SEC24A: variants seen among roughly 807,000 people sequenced by gnomAD.
The protein encoded by SEC24A is protein transport protein Sec24A.
SEC24A carries 93 observed loss-of-function variants against 129.4 expected under a neutral mutation model. The observed-to-expected ratio is 0.72, with a 90% confidence interval of 0.61 to 0.85. SEC24A has a LOEUF of 0.85. Among genes scored for constraint, SEC24A ranks in the 40% least tolerant of loss-of-function variants. The pLI is 0.00. For synonymous variants in SEC24A, 460 were observed against 467.3 expected (o/e 0.98, Z 0.20); for missense variants, 1,264 against 1,307.4 (o/e 0.97, Z 0.51).
Position 134,648,954 on chromosome 5 carries a change from C to A in SEC24A, c.-123C>A, listed in dbSNP as rs956285573. ...ATGCCTCGGGCTTAATGCGCCCCCC[C>A]CTCTTCTCCCAGTCTTCAGTCTTAA... On this transcript the variant is annotated 5_prime_UTR_variant, in exon 1 of 23. Coordinates refer to ENST00000398844, the MANE Select transcript of SEC24A (RefSeq NM_021982.3). The A allele has an allele frequency of 4.0e-5, 26 of 646,686 alleles. 1 individual carries two copies. The highest frequency in any genetic ancestry group is 2.2e-4 in the Admixed American group (7 of 32,090). The allele number at this position is 646,686 out of a possible 1,614,324, so 40.1% of individuals were successfully genotyped here.
intron 18 of SEC24A, among the ~76,000 whole-genome samples, chr5:134,712,265 T>G (rs1463336342): frequency 3.9e-5 from 6 of 152,036 alleles, no homozygotes; most frequent in East Asian, 1.9e-4. Context: ...CTTTTTTTTT[T>G]TGTGAGATGG....
At chr5:134,663,122 T>C (rs1353924446) in intron 2 of SEC24A, among the ~76,000 whole-genome samples, 1 of 152,182 alleles carries the variant, frequency 6.6e-6, no homozygotes, top group Non-Finnish European at 1.5e-5. Flanking sequence ...TGTCTCTCTG[T>C]TTCCCAAGCT....
intron 15 of SEC24A, among the ~76,000 whole-genome samples, chr5:134,700,723 A>T (rs1456969174): frequency 1.4e-5 from 2 of 144,772 alleles, no homozygotes; most frequent in African/African-American, 2.5e-5. Context: ...TTTTTACTTT[A>T]TTTTTTTTTT....
chr5:134,700,820 G>T (rs985138544), intron 15 of SEC24A, among the ~76,000 whole-genome samples: 1 of 151,548 alleles, frequency 6.6e-6, no homozygotes, highest in South Asian at 2.1e-4. Flanking sequence ...CTGGGTTCAC[G>T]CCATTCTCCT....
intron 1 of SEC24A, among the ~76,000 whole-genome samples, chr5:134,652,802 T>A (rs929334725): frequency 6.6e-5 from 10 of 151,806 alleles, no homozygotes; most frequent in Admixed American, 6.6e-4. Context: ...TGTTTTTGTT[T>A]TTGTTTTTTT....
chr5:134,664,191 T>C lies in SEC24A; in HGVS notation c.565+2605T>C, dbSNP rs546623807. Among the ~76,000 whole-genome samples, 7 of 152,238 alleles carry C rather than the reference T, an allele frequency of 4.6e-5. No homozygotes were observed. In the South Asian group the frequency reaches 1.4e-3, roughly 32 times the overall value. On this transcript the variant is annotated intron_variant, in intron 2 of 22. Transcript: ENST00000398844. ...ATAAAATGAACCTAAAAAGTAACCT[T>C]CTTTTTTCTCATTTGAACCTTCAAA...
intron 4 of SEC24A, 58 bp downstream of exon 4, chr5:134,671,944 T>C: frequency 2.0e-6 from 2 of 1,022,926 alleles, no homozygotes; most frequent in Non-Finnish European, 3.0e-6. Context: ...AGAAATAATA[T>C]GTGGTAATTG....
At chr5:134,698,445 A>T (rs899802621) in intron 15 of SEC24A, among the ~76,000 whole-genome samples, 1 of 151,960 alleles carries the variant, frequency 6.6e-6, no homozygotes, top group Non-Finnish European at 1.5e-5. Flanking sequence ...CTCTACGAAA[A>T]ATACAAAAAC....
At chr5:134,658,872 G>A (rs889156117) in intron 1 of SEC24A, among the ~76,000 whole-genome samples, 1 of 152,138 alleles carries the variant, frequency 6.6e-6, no homozygotes, top group African/African-American at 2.4e-5. Context: ...TCATGAGTCA[G>A]ATTGACATCT....
chr5:134,695,666 TC>T (rs1751799018), intron 13 of SEC24A, among the ~76,000 whole-genome samples: 1 of 152,008 alleles, frequency 6.6e-6, no homozygotes, highest in South Asian at 2.1e-4. Flanking sequence ...ACACCTGTAA[TC>T]CCAGCTACTC....
At chr5:134,699,301 C>CGTTTTTTTTTTTTTTTTTTTTTTTTTT (rs1429369613) in intron 15 of SEC24A, among the ~76,000 whole-genome samples, 40 of 138,418 alleles carry the variant, frequency 2.9e-4, no homozygotes, top group African/African-American at 1.0e-3. Flanking sequence ...CCATTTTATC[C>CGTTTTTTTTTTTTTTTTTTTTTTTTTT]TTTTTTTTTT....
In SEC24A at chr5:134,661,228, A is replaced by G. The variant is rs370559578; in HGVS notation, c.207A>G (p.Pro69=). 4 of 1,614,198 alleles carry G rather than the reference A, an allele frequency of 2.5e-6. No individual in the cohort carries two copies. Among genetic ancestry groups the G allele is most frequent in the South Asian group, 2.2e-5 (2 of 91,082 alleles). ...PHPIPAKTLN[P]VSGQSNYGGS... ...CAATACCAGCAAAGACTTTGAATCC[A>G]GTCTCTGGACAGTCTAACTATGGTG... The change falls in exon 2 of 23, where the codon CCA becomes CCG. Residue 69 remains proline, a synonymous_variant. Transcript: ENST00000398844.
In SEC24A at chr5:134,697,954, T is replaced by A; in HGVS notation, c.2163T>A (p.His721Gln). ...TCTATTACTATCCCTCTTACCATCA[T>A]CAGCACAACCCAGTCCAAGTACAGA... The part of the protein sequence containing the change: ...GSVYYYPSYH[H>Q]QHNPVQVQKL... Residue 721 changes from histidine to glutamine, a missense_variant, in exon 15 of 23, where the codon CAT becomes CAA. Transcript: ENST00000398844. 6.2e-7 allele frequency: 1 copy of A among 1,613,936 alleles called. No individual in the cohort carries two copies. Among genetic ancestry groups the A allele is most frequent in the South Asian group, 1.1e-5 (1 of 91,062 alleles).
At chr5:134,687,254 A>G (rs924650480) in intron 10 of SEC24A, among the ~76,000 whole-genome samples, 7 of 152,294 alleles carry the variant, frequency 4.6e-5, no homozygotes, top group Non-Finnish European at 1.0e-4. Flanking sequence ...GTACTTCAAG[A>G]CTAACTTTTA....
At chr5:134,671,953 T>G in intron 4 of SEC24A, 67 bp downstream of exon 4, 1 of 945,906 alleles carries the variant, frequency 1.1e-6, no homozygotes, top group South Asian at 1.4e-5. Flanking sequence ...ATGTGGTAAT[T>G]GTACAAATAT....
At chr5:134,659,047 T>TTTTA (rs142189667) in intron 1 of SEC24A, among the ~76,000 whole-genome samples, 40,779 of 138,572 alleles carry the variant, frequency 0.29, 6,390 homozygotes, top group African/African-American at 0.33. Context: ...ACCCATTTAT[T>TTTTA]TTTATTTATT....
chr5:134,667,595 A>G (rs1313628595), intron 3 of SEC24A, among the ~76,000 whole-genome samples: 1 of 146,020 alleles, frequency 6.8e-6, no homozygotes, highest in Non-Finnish European at 1.5e-5. Context: ...CGGAGCTTGC[A>G]GTGAGCCGAG....
At chr5:134,664,347 G>A (rs1469855337) in intron 2 of SEC24A, among the ~76,000 whole-genome samples, 3 of 151,704 alleles carry the variant, frequency 2.0e-5, no homozygotes, top group African/African-American at 7.3e-5. Context: ...AAATTTTCCT[G>A]AATTTTTTTA....
At chr5:134,714,322 G>A (rs1752416646) in intron 18 of SEC24A, among the ~76,000 whole-genome samples, 4 of 152,100 alleles carry the variant, frequency 2.6e-5, no homozygotes, top group Non-Finnish European at 5.9e-5. Context: ...CGGTACCAGT[G>A]GGTGGCCTGT....
Sources: allele counts gnomAD v4.1 joint callset (sites outside exome capture counted in the v4.1 genomes callset), GRCh38; gene constraint gnomAD v4.1.1; transcripts MANE v1.5; gene names NCBI Gene and HGNC (gene_info 2026-07-23, HGNC 2026-07-21).